Variants in LINGO2 observed in about 807,000 individuals in gnomAD.
LINGO2 encodes the protein leucine rich repeat and Ig domain containing 2.
In LINGO2, 14 loss-of-function variants were observed where a neutral mutation model predicts 30.6. The ratio of observed to expected loss-of-function variants is 0.46; its 90% CI spans 0.30 to 0.72. The LOEUF (loss-of-function observed/expected upper bound fraction) is 0.72. Ranked by LOEUF, LINGO2 falls within the 30% of genes least tolerant of loss-of-function variation. The probability of loss-of-function intolerance (pLI) is 0.07; values close to 1 mark genes in which losing one functional copy is unlikely to be tolerated. For missense variants in LINGO2, 729 were observed against 751.7 expected (o/e 0.97, Z 0.35); for synonymous variants, 317 against 288.5 (o/e 1.10, Z -1.00).
the LINGO2 span, among the ~76,000 whole-genome samples, chr9:28,741,761 C>T: frequency 6.6e-6 from 1 of 151,768 alleles, no homozygotes; most frequent in South Asian, 2.1e-4. Context: ...ATCCTGAGGC[C>T]TGTATCCATG....
the LINGO2 span, among the ~76,000 whole-genome samples, chr9:29,203,640 A>G: frequency 2.0e-5 from 3 of 152,208 alleles, no homozygotes; most frequent in Non-Finnish European, 2.9e-5. Context: ...GATCACAGGA[A>G]GCAGTACCAC....
intron 4 of LINGO2, among the ~76,000 whole-genome samples, chr9:28,154,627 G>A (rs1828085810): frequency 6.6e-6 from 1 of 152,172 alleles, no homozygotes; most frequent in Admixed American, 6.5e-5. Context: ...GAAAACTTCT[G>A]TGCTCTAAAG....
chr9:28,344,834 A>G (rs1050441999), intron 3 of LINGO2, among the ~76,000 whole-genome samples: 3 of 152,024 alleles, frequency 2.0e-5, no homozygotes, highest in Non-Finnish European at 4.4e-5. Flanking sequence ...GGAATATAGC[A>G]CCCCTAGCTT....
chr9:28,179,119 A>T (rs1377775979), intron 4 of LINGO2, among the ~76,000 whole-genome samples: 1 of 151,720 alleles, frequency 6.6e-6, no homozygotes, highest in African/African-American at 2.4e-5. Context: ...TGCTAGTTCC[A>T]CTTATTTAAA....
intron 1 of LINGO2, among the ~76,000 whole-genome samples, chr9:28,541,442 C>A (rs1264261648): frequency 1.3e-5 from 2 of 152,076 alleles, no homozygotes; most frequent in African/African-American, 4.8e-5. Flanking sequence ...GAACAACATT[C>A]ATTGTCAGAA....
intron 1 of LINGO2, among the ~76,000 whole-genome samples, chr9:28,648,824 T>G (rs1385739380): frequency 6.6e-6 from 1 of 152,142 alleles, no homozygotes; most frequent in Admixed American, 6.6e-5. Context: ...ACACAGTAGT[T>G]ACAGGCAAAG....
intron 3 of LINGO2, among the ~76,000 whole-genome samples, chr9:28,343,363 C>T (rs1215315360): frequency 6.6e-6 from 1 of 152,126 alleles, no homozygotes; most frequent in Admixed American, 6.6e-5. Flanking sequence ...AACAAAAAAT[C>T]ATGCTCATCT....
the LINGO2 span, among the ~76,000 whole-genome samples, chr9:28,854,908 A>G: frequency 6.6e-6 from 1 of 152,056 alleles, no homozygotes; most frequent in Admixed American, 6.6e-5. Flanking sequence ...CTTAAAAAAG[A>G]ATGTCAATTA....
At chr9:28,555,964 C>G (rs964126199) in intron 1 of LINGO2, among the ~76,000 whole-genome samples, 13 of 152,180 alleles carry the variant, frequency 8.5e-5, no homozygotes, top group Admixed American at 3.9e-4. Flanking sequence ...GCTAAAAACT[C>G]TCAATAAATT....
chr9:28,749,805 G>A, the LINGO2 span, among the ~76,000 whole-genome samples: 1 of 151,972 alleles, frequency 6.6e-6, no homozygotes, highest in African/African-American at 2.4e-5. Flanking sequence ...AAAGAGTTGA[G>A]TGTCCTGATA....
the LINGO2 span, among the ~76,000 whole-genome samples, chr9:29,055,899 C>T: frequency 3.0e-4 from 30 of 101,568 alleles, no homozygotes; most frequent in Middle Eastern, 9.4e-3. Context: ...TTATTTTGTT[C>T]CTTTTTATGG....
At chr9:28,039,392 G>A (rs12347134) in intron 4 of LINGO2, among the ~76,000 whole-genome samples, 3 of 152,114 alleles carry the variant, frequency 2.0e-5, no homozygotes, top group Admixed American at 6.5e-5. Context: ...AAGAGAACAC[G>A]TTATTGCATA....
the LINGO2 span, among the ~76,000 whole-genome samples, chr9:28,837,351 G>C: frequency 1.3e-4 from 19 of 151,116 alleles, no homozygotes. Flanking sequence ...GTAACTATTA[G>C]AAATATTGTT....
the LINGO2 span, among the ~76,000 whole-genome samples, chr9:29,185,079 A>C: frequency 6.6e-6 from 1 of 152,060 alleles, no homozygotes; most frequent in South Asian, 2.1e-4. Context: ...AACTGATCTC[A>C]ACTGTGTTCA....
chr9:29,109,975 GAT>G, the LINGO2 span, among the ~76,000 whole-genome samples: 1 of 152,170 alleles, frequency 6.6e-6, no homozygotes, highest in Non-Finnish European at 1.5e-5. Context: ...CAGATGAGAA[GAT>G]ACTTCCTATC....
chr9:28,047,945 T>A lies in LINGO2; in HGVS notation c.-86-35540A>T, dbSNP rs567792322. ...ACTTCAAAGTAGCAATGTGATTTTT[T>A]AGAATCAACGTAATTTCCACAAAAA... On this transcript the variant is annotated intron_variant, in intron 4 of 5. Transcript: ENST00000379992. Among the ~76,000 whole-genome samples the A allele has an allele frequency of 1.6e-4, 24 of 150,852 alleles. 1 individual carries two copies. The highest frequency in any genetic ancestry group is 5.9e-4 in the African/African-American group (24 of 40,856).
chr9:28,324,387 T>C (rs1054893954), intron 3 of LINGO2, among the ~76,000 whole-genome samples: 6 of 152,084 alleles, frequency 3.9e-5, no homozygotes, highest in African/African-American at 9.7e-5. Context: ...AACTCCATCT[T>C]GAATAAGGGC....
At chr9:28,207,713 T>C (rs1423758629) in intron 4 of LINGO2, among the ~76,000 whole-genome samples, 1 of 152,170 alleles carries the variant, frequency 6.6e-6, no homozygotes, top group Admixed American at 6.6e-5. Context: ...ATGAGATTTA[T>C]GAGTTCAAAA....
At position 28,123,490 on chromosome 9, in the gene LINGO2, G is replaced by T. The variant is rs1422849972; in HGVS notation, c.-86-111085C>A. 2.0e-5 allele frequency among the ~76,000 whole-genome samples: 3 copies of T among 152,064 alleles called. No individual in the cohort carries two copies. The East Asian group carries it at 5.8e-4, about 29-fold the overall frequency. On this transcript the variant is annotated intron_variant, in intron 4 of 5. Coordinates refer to ENST00000379992, the Ensembl canonical transcript of LINGO2. Reference sequence around the variant, plus strand: ...TCAGGAATGAAGGACACATTTTCTAGATAGGAATCTGCCTTCAGTCAAGAG... The same window carrying T: ...TCAGGAATGAAGGACACATTTTCTATATAGGAATCTGCCTTCAGTCAAGAG...
Sources: gnomAD v4.1 joint callset for allele counts (sites outside exome capture counted in the v4.1 genomes callset) on GRCh38, gnomAD v4.1.1 for gene constraint, MANE v1.5 for transcripts, NCBI Gene and HGNC (gene_info 2026-07-23, HGNC 2026-07-21) for gene names.